ATL2: variants seen among roughly 807,000 people sequenced by gnomAD.
ATL2 encodes the protein atlastin GTPase 2.
Under a neutral mutation model 73.9 loss-of-function variants are expected in ATL2, and 31 were observed. The observed-to-expected ratio is 0.42, with a 90% confidence interval of 0.32 to 0.57. ATL2 has a LOEUF of 0.57. Among genes scored for constraint, ATL2 ranks in the 20% least tolerant of loss-of-function variants. ATL2 has a pLI of 0.14. For missense variants in ATL2, 738 were observed against 702.6 expected, an observed-to-expected ratio of 1.05 and a Z score of -0.57; for synonymous variants, 291 against 237.5, an observed-to-expected ratio of 1.23 and a Z score of -2.07.
chr2:38,325,961 T>G (rs1668638662), intron 2 of ATL2, among the ~76,000 whole-genome samples: 1 of 135,528 alleles, frequency 7.4e-6, no homozygotes, highest in Admixed American at 7.4e-5. Context: ...TCAGGCCCAC[T>G]AAAAAACTAA....
rs1667127702 is a variant in ATL2 at position 38,300,427 on chromosome 2, A to G, written c.1072-99T>C. The G allele has an allele frequency of 1.0e-5, 8 of 765,644 alleles. No homozygotes were observed. In the South Asian group the frequency reaches 1.4e-4, roughly 14 times the overall value. 47.4% of individuals were successfully genotyped at this position (765,644 alleles called of 1,614,324 possible). On this transcript the variant is annotated intron_variant, in intron 9 of 12. Transcript: ENST00000378954. ...ATTAAATATAAAAATAATTAACACC[A>G]TTAAAAGTAAATTCTAGGCTTTAAA...
At chr2:38,332,869 A>G (rs911697134) in intron 2 of ATL2, among the ~76,000 whole-genome samples, 4 of 152,180 alleles carry the variant, frequency 2.6e-5, no homozygotes, top group African/African-American at 9.6e-5. Context: ...AATGTATCCT[A>G]TTAAAGGAAA....
At chr2:38,355,311 G>C (rs866664284) in intron 1 of ATL2, among the ~76,000 whole-genome samples, 2 of 152,204 alleles carry the variant, frequency 1.3e-5, no homozygotes, top group Middle Eastern at 3.4e-3. Context: ...ATTTTTAGTA[G>C]AGACAGGGTT....
intron 1 of ATL2, among the ~76,000 whole-genome samples, chr2:38,345,821 A>C (rs963841306): frequency 5.3e-5 from 8 of 152,240 alleles, no homozygotes; most frequent in Non-Finnish European, 1.0e-4. Context: ...GATGCATGTC[A>C]CTTAACTTCT....
intron 12 of ATL2, among the ~76,000 whole-genome samples, chr2:38,297,004 C>T (rs1666931377): frequency 6.6e-6 from 1 of 152,166 alleles, no homozygotes; most frequent in South Asian, 2.1e-4. Context: ...GATAGCTTTG[C>T]ATCCATCTTC....
chr2:38,311,698 T>G (rs1667766160), intron 7 of ATL2, among the ~76,000 whole-genome samples: 1 of 152,192 alleles, frequency 6.6e-6, no homozygotes, highest in South Asian at 2.1e-4. Context: ...AAGGTTGCTG[T>G]ATGGAGGTGA....
Position 38,299,158 on chromosome 2 carries a change from C to G in ATL2, c.1200+98G>C, listed in dbSNP as rs901947029. On this transcript the variant is annotated intron_variant, in intron 11 of 12. Coordinates refer to ENST00000378954, the MANE Select transcript of ATL2 (RefSeq NM_001135673.4). ...AGGGAATAATGTACCATAAGCTGCA[C>G]AAATTCGCTCAATTATTTAAAAAAT... is the stretch of plus-strand genomic sequence containing the variant. The G allele has an allele frequency of 1.2e-5, 14 of 1,168,778 alleles. 1 individual carries two copies. In the South Asian group the frequency reaches 2.8e-4, roughly 23 times the overall value. The allele number at this position is 1,168,778 out of a possible 1,614,324, so 72.4% of individuals were successfully genotyped here.
At chr2:38,335,774 G>C (rs1669324141) in intron 2 of ATL2, among the ~76,000 whole-genome samples, 1 of 152,170 alleles carries the variant, frequency 6.6e-6, no homozygotes, top group African/African-American at 2.4e-5. Flanking sequence ...GGGCGCGGTG[G>C]CTCACGCCTG....
intron 1 of ATL2, chr2:38,376,441 C>T: frequency 6.3e-6 from 2 of 316,726 alleles, no homozygotes; most frequent in Non-Finnish European, 1.1e-5. Flanking sequence ...CCAAGTGACT[C>T]GTAAACGGCT....
At position 38,338,354 on chromosome 2, in the gene ATL2, C is replaced by T. The variant is rs532379126; in HGVS notation, c.363+4914G>A. Among the ~76,000 whole-genome samples the T allele has an allele frequency of 1.4e-4, 21 of 152,124 alleles. 1 individual carries two copies. In the South Asian group the frequency reaches 3.7e-3, roughly 27 times the overall value. ...AGGGTTGAAAAACTATTGGTTACTA[C>T]GCTCAATACCTGGGTGACAAGATCA... On this transcript the variant is annotated intron_variant, in intron 2 of 12. Coordinates refer to ENST00000378954, the MANE Select transcript of ATL2 (RefSeq NM_001135673.4).
In ATL2 at chr2:38,295,026, C is replaced by G. The variant is rs1666820089; in HGVS notation, c.*968G>C. 6.7e-6 allele frequency: 1 copy of G among 148,388 alleles called. No homozygotes were observed. The allele number at this position is 148,388 out of a possible 1,614,324, so 9.2% of individuals were successfully genotyped here. ...GCGGGGGGGGGGTGAGATTGCAGTG[C>G]TCAAGATAAATATCACAAATATATC... On this transcript the variant is annotated 3_prime_UTR_variant, in exon 13 of 13. Transcript: ENST00000378954.
chr2:38,313,281 TAAAGA>T (rs777221798), intron 6 of ATL2, 38 bp from the exon 7 acceptor site: 1 of 1,477,036 alleles, frequency 6.8e-7, no homozygotes, highest in East Asian at 2.4e-5. Context: ...TATTTTACAA[TAAAGA>T]AAATTTACGA....
intron 2 of ATL2, among the ~76,000 whole-genome samples, chr2:38,333,488 G>C (rs1290077551): frequency 3.3e-5 from 5 of 152,138 alleles, no homozygotes; most frequent in Non-Finnish European, 7.4e-5. Flanking sequence ...TGGTTGAGTA[G>C]TCAGTGTTTA....
intron 2 of ATL2, among the ~76,000 whole-genome samples, chr2:38,320,764 G>T (rs549730501): frequency 6.6e-6 from 1 of 152,242 alleles, no homozygotes; most frequent in African/African-American, 2.4e-5. Flanking sequence ...CGTGAATTAG[G>T]AGTGGAGAGA....
At chr2:38,305,486 T>G in intron 9 of ATL2, among the ~76,000 whole-genome samples, 1 of 152,018 alleles carries the variant, frequency 6.6e-6, no homozygotes, top group East Asian at 1.9e-4. Flanking sequence ...GAGGTAGAGG[T>G]TGCAGTGAGC....
intron 2 of ATL2, 85 bp downstream of exon 2, chr2:38,343,178 AGATAT>A: frequency 8.8e-6 from 3 of 341,304 alleles, no homozygotes; most frequent in Non-Finnish European, 1.5e-5. Context: ...AAAAAAAAAA[AGATAT>A]AGTTCTGGTT....
intron 2 of ATL2, among the ~76,000 whole-genome samples, chr2:38,334,320 G>C (rs138955664): frequency 3.3e-5 from 5 of 149,672 alleles, no homozygotes; most frequent in Admixed American, 6.7e-5. Flanking sequence ...ATGAGCCACC[G>C]AGCCCAGCCC....
Position 38,298,168 on chromosome 2 carries a change from C to T in ATL2, c.1608G>A (p.Gln536=). Residue 536 remains glutamine, a synonymous_variant, in exon 12 of 13, where the codon CAG becomes CAA. Coordinates refer to ENST00000378954, the MANE Select transcript of ATL2 (RefSeq NM_001135673.4). ...CCTGTTCCCATAGTGTTTCAGCAAT[C>T]TGATCAATCACTGTTCCAATTTCTC... The part of the protein sequence containing the change: ...EFREIGTVID[Q]IAETLWEQVL... 6.2e-7 allele frequency: 1 copy of T among 1,612,958 alleles called. No individual in the cohort carries two copies. The highest frequency in any genetic ancestry group is 8.5e-7 in the Non-Finnish European group (1 of 1,179,352).
chr2:38,344,398 T>C (rs569502912), intron 1 of ATL2, among the ~76,000 whole-genome samples: 1 of 152,208 alleles, frequency 6.6e-6, no homozygotes, highest in African/African-American at 2.4e-5. Flanking sequence ...TCACCTGAGG[T>C]CAGGAGTTCA....
Sources: allele counts gnomAD v4.1 joint callset (sites outside exome capture counted in the v4.1 genomes callset), GRCh38; gene constraint gnomAD v4.1.1; transcripts MANE v1.5; gene names NCBI Gene and HGNC (gene_info 2026-07-23, HGNC 2026-07-21).